Variants in GPC5 observed in about 807,000 individuals in gnomAD.
The protein encoded by GPC5 is glypican-5.
GPC5 carries 47 observed loss-of-function variants against 53.9 expected under a neutral mutation model. That is an observed-to-expected ratio of 0.87 (90% confidence interval 0.69 to 1.11). The LOEUF is 1.11. Ranked by LOEUF, GPC5 falls within the 50% of genes most tolerant of loss-of-function variation. The pLI is 0.00. For missense variants in GPC5, 748 were observed against 713.1 expected (o/e 1.05, Z -0.56); for synonymous variants, 286 against 263.3 (o/e 1.09, Z -0.84).
intron 5 of GPC5, among the ~76,000 whole-genome samples, chr13:91,897,126 A>G (rs1054729591): frequency 2.6e-5 from 4 of 152,134 alleles, no homozygotes; most frequent in African/African-American, 9.7e-5. Flanking sequence ...ATAAAATGGA[A>G]CTGTTGGACA....
At chr13:92,778,769 T>G (rs1875911387) in intron 7 of GPC5, among the ~76,000 whole-genome samples, 1 of 152,214 alleles carries the variant, frequency 6.6e-6, no homozygotes, top group African/African-American at 2.4e-5. Flanking sequence ...TCACATAAAG[T>G]GTAGATAGTT....
intron 1 of GPC5, among the ~76,000 whole-genome samples, chr13:91,408,175 AATAT>A (rs1440870182): frequency 2.0e-5 from 3 of 152,116 alleles, no homozygotes; most frequent in Non-Finnish European, 2.9e-5. Context: ...TCTATCTGTA[AATAT>A]GTGTCCCTTG....
intron 7 of GPC5, among the ~76,000 whole-genome samples, chr13:92,843,166 T>A (rs1878488975): frequency 6.6e-6 from 1 of 152,164 alleles, no homozygotes; most frequent in Admixed American, 6.6e-5. Context: ...TATGTCATAG[T>A]TAAAAACACA....
At chr13:92,038,979 G>A (rs2040920531) in intron 6 of GPC5, among the ~76,000 whole-genome samples, 6 of 152,180 alleles carry the variant, frequency 3.9e-5, no homozygotes, top group Admixed American at 3.9e-4. Flanking sequence ...TCAGAGGAAA[G>A]AATGATTAGC....
In GPC5 at chr13:92,309,711, A is replaced by G. The variant is rs1276636328; in HGVS notation, c.1561+164722A>G. 2.6e-5 allele frequency among the ~76,000 whole-genome samples: 4 copies of G among 152,216 alleles called. No individual in the cohort carries two copies. The East Asian group carries it at 7.7e-4, about 29-fold the overall frequency. On this transcript the variant is annotated intron_variant, in intron 7 of 7. Coordinates refer to ENST00000377067, the MANE Select transcript of GPC5 (RefSeq NM_004466.6). ...CACAATCAAGCTAATGAATATATCC[A>G]TTATCTCACATGTTTATCTTTAAAA...
At chr13:91,823,485 C>T (rs1303803544) in intron 5 of GPC5, among the ~76,000 whole-genome samples, 1 of 152,000 alleles carries the variant, frequency 6.6e-6, no homozygotes, top group Non-Finnish European at 1.5e-5. Context: ...ATTAATGCTC[C>T]CACTTCAACT....
chr13:92,363,637 G>A (rs977609858), intron 7 of GPC5, among the ~76,000 whole-genome samples: 2 of 151,672 alleles, frequency 1.3e-5, no homozygotes, highest in Non-Finnish European at 2.9e-5. Flanking sequence ...TCCAGGGCCT[G>A]GGGGTTTGGG....
chr13:91,720,917 T>C (rs889371840), intron 3 of GPC5, among the ~76,000 whole-genome samples: 7 of 152,140 alleles, frequency 4.6e-5, no homozygotes, highest in Admixed American at 6.5e-5. Context: ...GACAGATAGA[T>C]CCAGATAGAT....
At chr13:92,268,942 T>A (rs1160388341) in intron 7 of GPC5, among the ~76,000 whole-genome samples, 1 of 152,100 alleles carries the variant, frequency 6.6e-6, no homozygotes, top group African/African-American at 2.4e-5. Flanking sequence ...TGTAGATCTT[T>A]ATTAAGTTTA....
chr13:92,119,914 C>T (rs2041634953), intron 6 of GPC5, among the ~76,000 whole-genome samples: 1 of 152,036 alleles, frequency 6.6e-6, no homozygotes, highest in African/African-American at 2.4e-5. Flanking sequence ...GGAAAAAGCA[C>T]TGGGTCTATA....
At chr13:92,570,114 A>G (rs115012690) in intron 7 of GPC5, among the ~76,000 whole-genome samples, 3,484 of 152,280 alleles carry the variant, frequency 0.023, 144 homozygotes, top group African/African-American at 0.079. Flanking sequence ...TGTTTTATAC[A>G]TGCTTGCTGT....
intron 2 of GPC5, among the ~76,000 whole-genome samples, chr13:91,620,591 C>A (rs2033827176): frequency 2.0e-5 from 3 of 152,100 alleles, no homozygotes. Context: ...ATCGCTCATG[C>A]CATAAGATGG....
At chr13:91,735,768 A>T (rs2036800796) in intron 4 of GPC5, among the ~76,000 whole-genome samples, 1 of 151,206 alleles carries the variant, frequency 6.6e-6, no homozygotes, top group Non-Finnish European at 1.5e-5. Flanking sequence ...GCACCTGGCA[A>T]AACTCACATA....
At chr13:91,977,421 CAG>C (rs1160348173) in intron 6 of GPC5, among the ~76,000 whole-genome samples, 1 of 152,120 alleles carries the variant, frequency 6.6e-6, no homozygotes, top group African/African-American at 2.4e-5. Context: ...CCTTTTTAGA[CAG>C]ATATTTTTTC....
intron 7 of GPC5, among the ~76,000 whole-genome samples, chr13:92,754,845 C>T (rs1400206423): frequency 2.1e-5 from 3 of 143,814 alleles, no homozygotes; most frequent in African/African-American, 7.8e-5. Flanking sequence ...CCAGAGTGAC[C>T]TACAAAGAGA....
At chr13:92,643,440 C>A (rs1487937762) in intron 7 of GPC5, among the ~76,000 whole-genome samples, 1 of 147,706 alleles carries the variant, frequency 6.8e-6, no homozygotes, top group Non-Finnish European at 1.5e-5. Flanking sequence ...ATGTTTATTG[C>A]GGCATTATTC....
At chr13:92,513,546 C>T (rs963678532) in intron 7 of GPC5, among the ~76,000 whole-genome samples, 2 of 26,482 alleles carry the variant, frequency 7.6e-5, no homozygotes, top group African/African-American at 1.9e-4. Context: ...CTTTCTCTCC[C>T]TTTCCTTTCC....
intron 7 of GPC5, among the ~76,000 whole-genome samples, chr13:92,203,493 C>T (rs865836805): frequency 3.5e-4 from 27 of 77,098 alleles, no homozygotes; most frequent in Middle Eastern, 0.019. Context: ...GTGGTGGGGT[C>T]GGGGGAGGGG....
At chr13:91,715,745 TTG>T (rs1396662260) in intron 3 of GPC5, among the ~76,000 whole-genome samples, 1 of 150,572 alleles carries the variant, frequency 6.6e-6, no homozygotes, top group Non-Finnish European at 1.5e-5. Flanking sequence ...TATCTTGAAG[TTG>T]TTTTTTTTTT....
Sources: gnomAD v4.1 joint callset for allele counts (sites outside exome capture counted in the v4.1 genomes callset) on GRCh38, gnomAD v4.1.1 for gene constraint, MANE v1.5 for transcripts, NCBI Gene and HGNC (gene_info 2026-07-23, HGNC 2026-07-21) for gene names.